Variants in SLC16A9 observed in about 807,000 individuals in gnomAD.
The protein encoded by SLC16A9 is monocarboxylate transporter 9.
Under a neutral mutation model 44.3 loss-of-function variants are expected in SLC16A9, and 26 were observed. That is an observed-to-expected ratio of 0.59 (90% CI 0.43 to 0.81). SLC16A9 has a LOEUF of 0.81. Ranked by LOEUF, SLC16A9 falls within the 40% of genes least tolerant of loss-of-function variation. The probability of loss-of-function intolerance (pLI) is 0.00; values close to 1 mark genes in which losing one functional copy is unlikely to be tolerated. For missense variants in SLC16A9, 559 were observed against 595.8 expected (o/e 0.94, Z 0.64); for synonymous variants, 230 against 225.1 (o/e 1.02, Z -0.19).
chr10:59,706,899 G>A (rs1337362246), intron 1 of SLC16A9, among the ~76,000 whole-genome samples: 1 of 151,458 alleles, frequency 6.6e-6, no homozygotes, highest in Non-Finnish European at 1.5e-5. Context: ...GCTTGAACCC[G>A]GGAGGCAGAG....
intron 2 of SLC16A9, among the ~76,000 whole-genome samples, chr10:59,673,534 T>G (rs10826342): frequency 0.65 from 99,246 of 152,094 alleles, 33,113 homozygotes; most frequent in Middle Eastern, 0.77. Context: ...GAAGCTCAAA[T>G]AAGCTGTTCA....
intron 2 of SLC16A9, among the ~76,000 whole-genome samples, chr10:59,681,280 T>C (rs1256710536): frequency 6.6e-6 from 1 of 151,866 alleles, no homozygotes; most frequent in Non-Finnish European, 1.5e-5. Flanking sequence ...TAATACTATA[T>C]AAACACTGTT....
intron 1 of SLC16A9, among the ~76,000 whole-genome samples, chr10:59,684,533 AT>A (rs994723580): frequency 2.0e-5 from 3 of 151,998 alleles, no homozygotes; most frequent in Admixed American, 6.6e-5. Flanking sequence ...ACATGGTACA[AT>A]TTTTTTTAAT....
At position 59,677,624 on chromosome 10, in the gene SLC16A9, C is replaced by A. The variant is rs185197631; in HGVS notation, c.197-4711G>T. Among the ~76,000 whole-genome samples, 836 of 152,252 alleles carry A rather than the reference C, an allele frequency of 5.5e-3. 10 individuals carry two copies. The highest frequency in any genetic ancestry group is 0.01 in the Middle Eastern group (3 of 294). The stretch of plus-strand genomic sequence containing the variant: ...GGCCAAAAGCACCAAAAGAAAGGTT[C>A]AGACGGCTTGTTTGGGGATTTCATA... On this transcript the variant is annotated intron_variant, in intron 2 of 5. Coordinates refer to ENST00000395348, the MANE Select transcript of SLC16A9 (RefSeq NM_194298.3).
chr10:59,694,570 G>A (rs1840327211), intron 1 of SLC16A9, among the ~76,000 whole-genome samples: 3 of 151,496 alleles, frequency 2.0e-5, no homozygotes, highest in Admixed American at 2.0e-4. Context: ...GGAGGCCAAG[G>A]TGGGTGGATC....
intron 1 of SLC16A9, among the ~76,000 whole-genome samples, chr10:59,687,105 A>G (rs1351691400): frequency 6.6e-6 from 1 of 152,170 alleles, no homozygotes; most frequent in Non-Finnish European, 1.5e-5. Flanking sequence ...GGGTTTCACC[A>G]TGTTGGCCAG....
chr10:59,708,608 T>C (rs1455612247), intron 1 of SLC16A9: 3 of 152,340 alleles, frequency 2.0e-5, no homozygotes, highest in African/African-American at 7.2e-5. Context: ...TAACTTACTA[T>C]ATAAGTAATA....
At chr10:59,673,730 AC>A (rs1839800575) in intron 2 of SLC16A9, among the ~76,000 whole-genome samples, 1 of 152,240 alleles carries the variant, frequency 6.6e-6, no homozygotes, top group South Asian at 2.1e-4. Flanking sequence ...GGCAGTGTTT[AC>A]TAAAGCCGAA....
intron 1 of SLC16A9, among the ~76,000 whole-genome samples, chr10:59,689,860 A>G (rs558834591): frequency 6.6e-6 from 1 of 152,340 alleles, no homozygotes; most frequent in East Asian, 1.9e-4. Flanking sequence ...GATGTGCCAT[A>G]TCTATTTTTA....
In SLC16A9 at chr10:59,700,187, T is replaced by C. The variant is rs568963060; in HGVS notation, c.-37+9292A>G. 1.4e-4 allele frequency among the ~76,000 whole-genome samples: 22 copies of C among 152,348 alleles called. No homozygotes were observed. The East Asian group carries it at 4.0e-3, about 28-fold the overall frequency. ...ACTGAAGTCCAAACAAGGTTTGCTT[T>C]TGTTTCCTTTCTTTCCTTCTTTCCT... On this transcript the variant is annotated intron_variant, in intron 1 of 5. Coordinates refer to ENST00000395348, the MANE Select transcript of SLC16A9 (RefSeq NM_194298.3).
At chr10:59,675,169 A>C (rs571366438) in intron 2 of SLC16A9, among the ~76,000 whole-genome samples, 2 of 152,312 alleles carry the variant, frequency 1.3e-5, no homozygotes, top group South Asian at 4.1e-4. Context: ...AAATTTTGGA[A>C]GTTGAAAACG....
At chr10:59,666,677 C>T (rs1839625172) in intron 3 of SLC16A9, among the ~76,000 whole-genome samples, 1 of 152,118 alleles carries the variant, frequency 6.6e-6, no homozygotes, top group African/African-American at 2.4e-5. Flanking sequence ...AGTATAAGCA[C>T]TTAAGTGATT....
At chr10:59,669,823 CAAAT>C (rs1839705434) in intron 3 of SLC16A9, among the ~76,000 whole-genome samples, 1 of 151,496 alleles carries the variant, frequency 6.6e-6, no homozygotes, top group South Asian at 2.1e-4. Context: ...ACAGAATAAA[CAAAT>C]GGATTTACCG....
intron 1 of SLC16A9, among the ~76,000 whole-genome samples, chr10:59,697,708 G>T (rs2126776): frequency 0.17 from 25,138 of 144,386 alleles, 2,272 homozygotes; most frequent in Non-Finnish European, 0.2. Flanking sequence ...CCCTCTGCGA[G>T]AAACACCCAA....
rs1363624625 is a variant in SLC16A9 at position 59,652,818 on chromosome 10, T to C, written c.1484A>G (p.Lys495Arg). 2 of 1,613,778 alleles carry C rather than the reference T, an allele frequency of 1.2e-6. No individual in the cohort carries two copies. The highest frequency in any genetic ancestry group is 1.3e-5 in the African/African-American group (1 of 74,912). Residue 495 changes from lysine to arginine, a missense_variant, in exon 6 of 6, where the codon AAG (lysine) becomes AGG (arginine). Physicochemically the swap from Lys to Arg is conservative, Grantham distance 26. Transcript: ENST00000395348. Reference sequence around the variant, plus strand: ...GTACAAGAAAGTTGTTGGAGCTGGCTTGGGGAGTTGCTTGTTGCATGTATC... The same window carrying C: ...GTACAAGAAAGTTGTTGGAGCTGGCCTGGGGAGTTGCTTGTTGCATGTATC... ...SWDTCNKQLP[K>R]PAPTTFLYKV...
chr10:59,695,032 C>A, intron 1 of SLC16A9, among the ~76,000 whole-genome samples: 1 of 151,536 alleles, frequency 6.6e-6, no homozygotes, highest in Non-Finnish European at 1.5e-5. Context: ...AAACCTTAAG[C>A]TAAGTGAGAA....
intron 1 of SLC16A9, among the ~76,000 whole-genome samples, chr10:59,684,858 A>G (rs999659026): frequency 6.6e-6 from 1 of 152,168 alleles, no homozygotes; most frequent in Non-Finnish European, 1.5e-5. Flanking sequence ...CTGCCCATCC[A>G]CACTTCCATG....
intron 3 of SLC16A9, among the ~76,000 whole-genome samples, chr10:59,672,450 G>A (rs1010632531): frequency 6.6e-6 from 1 of 152,158 alleles, no homozygotes; most frequent in South Asian, 2.1e-4. Context: ...AGTGAGAAGT[G>A]ACAGATGTCA....
intron 1 of SLC16A9, among the ~76,000 whole-genome samples, chr10:59,702,888 A>G (rs943624053): frequency 1.3e-5 from 2 of 152,250 alleles, no homozygotes; most frequent in Admixed American, 1.3e-4. Context: ...AGAGGGACAG[A>G]ATACGTGGTG....
Sources: allele counts gnomAD v4.1 joint callset (sites outside exome capture counted in the v4.1 genomes callset), GRCh38; gene constraint gnomAD v4.1.1; transcripts MANE v1.5; gene names NCBI Gene and HGNC (gene_info 2026-07-23, HGNC 2026-07-21).